The following ATXN1 variants were observed in gnomAD, a reference collection of about 807,000 sequenced individuals.
ATXN1 encodes ataxin 1.
A neutral mutation model predicts 56.4 loss-of-function variants in ATXN1; 8 were observed. The observed-to-expected ratio is 0.14, with a 90% CI of 0.08 to 0.26. The LOEUF (loss-of-function observed/expected upper bound fraction) is 0.26. Among genes scored for constraint, ATXN1 ranks in the 10% least tolerant of loss-of-function variants. The pLI, the probability that ATXN1 is intolerant of heterozygous loss-of-function variation, is 1.00. For synonymous variants in ATXN1, 514 were observed against 494.6 expected (o/e 1.04, Z -0.52); for missense variants, 987 against 1,106.5 (o/e 0.89, Z 1.53).
intron 5 of ATXN1, among the ~76,000 whole-genome samples, chr6:16,517,687 T>C (rs1026745120): frequency 9.9e-5 from 15 of 152,056 alleles, no homozygotes; most frequent in Admixed American, 8.5e-4. Flanking sequence ...CACAAGTACA[T>C]ACAAATACAT....
At position 16,759,890 on chromosome 6, in the gene ATXN1, G is replaced by A. The variant is rs989331013; in HGVS notation, c.-730+1408C>T. Reference sequence around the variant, plus strand: ...TAAGAAGGCAGCCTGAAGGCGGGGGGCTGAAGAGGGGTCGGGGCGCTGCAG... The same window carrying A: ...TAAGAAGGCAGCCTGAAGGCGGGGGACTGAAGAGGGGTCGGGGCGCTGCAG... On this transcript the variant is annotated intron_variant, in intron 1 of 7. Transcript: ENST00000436367. Among the ~76,000 whole-genome samples the A allele has an allele frequency of 1.8e-4, 28 of 152,132 alleles. 1 individual carries two copies. Among genetic ancestry groups the A allele is most frequent in the East Asian group, 1.9e-4 (1 of 5,178 alleles).
At chr6:16,348,014 G>A (rs1322112952) in intron 6 of ATXN1, among the ~76,000 whole-genome samples, 4 of 152,194 alleles carry the variant, frequency 2.6e-5, no homozygotes, top group African/African-American at 7.2e-5. Flanking sequence ...CCCACAGGGA[G>A]GAATGAACAA....
At chr6:16,501,892 C>T (rs984728456) in intron 5 of ATXN1, among the ~76,000 whole-genome samples, 16 of 152,268 alleles carry the variant, frequency 1.1e-4, no homozygotes, top group African/African-American at 3.1e-4. Flanking sequence ...CTTGAGGAAT[C>T]GCCACACTGT....
intron 6 of ATXN1, among the ~76,000 whole-genome samples, chr6:16,329,513 G>A (rs1198095136): frequency 1.3e-5 from 2 of 152,124 alleles, no homozygotes; most frequent in African/African-American, 4.8e-5. Flanking sequence ...TGATGACGGA[G>A]TGAGACTGTT....
chr6:16,443,896 C>T (rs1759575195), intron 6 of ATXN1, among the ~76,000 whole-genome samples: 1 of 152,132 alleles, frequency 6.6e-6, no homozygotes, highest in Non-Finnish European at 1.5e-5. Flanking sequence ...GAGGGCCGAT[C>T]ACAAGGTCAG....
chr6:16,684,975 A>G (rs933478635), intron 2 of ATXN1, among the ~76,000 whole-genome samples: 1 of 152,052 alleles, frequency 6.6e-6, no homozygotes. Flanking sequence ...TAGGACAACG[A>G]AAGAAATGGT....
intron 6 of ATXN1, among the ~76,000 whole-genome samples, chr6:16,484,945 A>ATG (rs1479346749): frequency 1.3e-4 from 15 of 118,284 alleles, no homozygotes; most frequent in South Asian, 3.4e-4. Flanking sequence ...ACCTAAATAT[A>ATG]TATGTGTGTG....
chr6:16,411,806 C>T (rs1243133347), intron 6 of ATXN1, among the ~76,000 whole-genome samples: 1 of 152,200 alleles, frequency 6.6e-6, no homozygotes, highest in African/African-American at 2.4e-5. Context: ...ATGCCTAATT[C>T]CTTCACCCTC....
In ATXN1 at chr6:16,641,956, G is replaced by A. The variant is rs376897272; in HGVS notation, c.-489+15820C>T. 8.2e-4 allele frequency among the ~76,000 whole-genome samples: 125 copies of A among 152,320 alleles called. 1 individual carries two copies. Among genetic ancestry groups the A allele is most frequent in the African/African-American group, 2.7e-3 (114 of 41,570 alleles). Reference sequence around the variant, plus strand: ...TGAGGGTTTCAAGACTTCGGTGGAGGAAGGAACTGCAGATGAGGTGGAAAC... The same window carrying A: ...TGAGGGTTTCAAGACTTCGGTGGAGAAAGGAACTGCAGATGAGGTGGAAAC... On this transcript the variant is annotated intron_variant, in intron 3 of 7. Coordinates refer to ENST00000436367, the MANE Select transcript of ATXN1 (RefSeq NM_001128164.2).
chr6:16,443,537 C>T (rs980629228), intron 6 of ATXN1, among the ~76,000 whole-genome samples: 10 of 152,052 alleles, frequency 6.6e-5, no homozygotes, highest in African/African-American at 2.4e-4. Context: ...TGTAATTGTC[C>T]ATCTCTAGCC....
intron 2 of ATXN1, among the ~76,000 whole-genome samples, chr6:16,687,200 A>G (rs983761918): frequency 2.0e-5 from 3 of 152,198 alleles, no homozygotes; most frequent in Non-Finnish European, 4.4e-5. Context: ...AATGTATCTG[A>G]AAAACCTCTT....
chr6:16,734,720 T>C (rs1581404282), intron 2 of ATXN1, among the ~76,000 whole-genome samples: 1 of 152,284 alleles, frequency 6.6e-6, no homozygotes, highest in South Asian at 2.1e-4. Context: ...TCTCGAACTA[T>C]GGACCTCAAA....
chr6:16,527,850 T>C (rs1761424254), intron 4 of ATXN1, among the ~76,000 whole-genome samples: 1 of 152,196 alleles, frequency 6.6e-6, no homozygotes. Flanking sequence ...ATAGTACAAT[T>C]CAGGACCTGG....
At chr6:16,488,781 A>G (rs1760600440) in intron 5 of ATXN1, among the ~76,000 whole-genome samples, 1 of 152,214 alleles carries the variant, frequency 6.6e-6, no homozygotes, top group Non-Finnish European at 1.5e-5. Flanking sequence ...AATGTAATTT[A>G]TCCTACAAGC....
At chr6:16,381,113 A>G (rs986363198) in intron 6 of ATXN1, among the ~76,000 whole-genome samples, 9 of 152,256 alleles carry the variant, frequency 5.9e-5, no homozygotes, top group Admixed American at 5.2e-4. Flanking sequence ...AACATGGTGA[A>G]ACCCTGTCTC....
At chr6:16,376,408 A>G (rs1032111712) in intron 6 of ATXN1, among the ~76,000 whole-genome samples, 2 of 152,208 alleles carry the variant, frequency 1.3e-5, no homozygotes, top group African/African-American at 4.8e-5. Context: ...CTACCCACAG[A>G]ATTTCATTTA....
intron 3 of ATXN1, among the ~76,000 whole-genome samples, chr6:16,591,336 A>AC (rs950214714): frequency 2.1e-4 from 32 of 152,212 alleles, no homozygotes; most frequent in Admixed American, 9.2e-4. Flanking sequence ...ACAGCTATTG[A>AC]CCAGTTTACC....
intron 4 of ATXN1, among the ~76,000 whole-genome samples, chr6:16,554,057 A>T (rs1219228577): frequency 6.6e-6 from 1 of 152,248 alleles, no homozygotes; most frequent in Non-Finnish European, 1.5e-5. Context: ...AGAAGAAGAT[A>T]TCTTTTATGA....
intron 3 of ATXN1, among the ~76,000 whole-genome samples, chr6:16,590,329 G>GA (rs988963003): frequency 1.3e-5 from 2 of 151,726 alleles, no homozygotes; most frequent in Non-Finnish European, 2.9e-5. Context: ...ATGCACTTTG[G>GA]AAAAAAAATA....
Sources: allele counts gnomAD v4.1 joint callset (sites outside exome capture counted in the v4.1 genomes callset), GRCh38; gene constraint gnomAD v4.1.1; transcripts MANE v1.5; gene names NCBI Gene and HGNC (gene_info 2026-07-23, HGNC 2026-07-21).